Variants in COL27A1 observed in about 807,000 individuals in gnomAD.
COL27A1 encodes the protein collagen type XXVII alpha 1 chain.
Under a neutral mutation model 251.3 loss-of-function variants are expected in COL27A1, and 106 were observed. The observed-to-expected ratio is 0.42, with a 90% confidence interval of 0.36 to 0.50. The LOEUF (loss-of-function observed/expected upper bound fraction) is 0.50. COL27A1 is among the 20% of genes least tolerant of loss of function. COL27A1 has a pLI of 0.00. For missense variants in COL27A1, 2,325 were observed against 2,522.8 expected (o/e 0.92, Z 1.68); for synonymous variants, 1,000 against 986.3 (o/e 1.01, Z -0.26).
At chr9:114,213,942 G>A (rs1830536784) in intron 12 of COL27A1, among the ~76,000 whole-genome samples, 1 of 152,140 alleles carries the variant, frequency 6.6e-6, no homozygotes, top group Non-Finnish European at 1.5e-5. Flanking sequence ...TGGGTGGAGG[G>A]AAACATCTTT....
chr9:114,310,415 C>A, intron 60 of COL27A1, 134 bp from the exon 61 acceptor site: 1 of 871,014 alleles, frequency 1.1e-6, no homozygotes, highest in Non-Finnish European at 1.8e-6. Context: ...TCTAAATGTG[C>A]CATATAGGTC....
At chr9:114,208,315 C>T (rs906000013) in intron 10 of COL27A1, among the ~76,000 whole-genome samples, 7 of 152,070 alleles carry the variant, frequency 4.6e-5, no homozygotes, top group African/African-American at 1.7e-4. Flanking sequence ...GTGGTGCACA[C>T]CTGTGATCAC....
chr9:114,278,629 G>A (rs140189812), intron 37 of COL27A1, among the ~76,000 whole-genome samples: 18 of 150,568 alleles, frequency 1.2e-4, no homozygotes, highest in African/African-American at 3.7e-4. Context: ...GTGGTATGGC[G>A]TAGGTAGTGG....
rs145906802 is a variant in COL27A1 at position 114,217,974 on chromosome 9, T to C, written c.2368-1817T>C. On this transcript the variant is annotated intron_variant, in intron 12 of 60. Transcript: ENST00000356083. ...ACCAAAAATACAAAAATTAGCCAGGTGTAGTGGTGTGCATCTGTAATCCCA... is the reference window on the plus strand; with the variant it reads ...ACCAAAAATACAAAAATTAGCCAGGCGTAGTGGTGTGCATCTGTAATCCCA... 6.1e-4 allele frequency: 227 copies of C among 373,008 alleles called. 1 individual carries two copies. Among genetic ancestry groups the C allele is most frequent in the African/African-American group, 4.6e-3 (217 of 47,332 alleles). The allele number at this position is 373,008 out of a possible 1,614,324, so 23.1% of individuals were successfully genotyped here.
chr9:114,264,555 G>C (rs1588817838), intron 29 of COL27A1, 147 bp downstream of exon 29: 3 of 597,964 alleles, frequency 5.0e-6, no homozygotes. Context: ...TGAGAGCTTA[G>C]CCCTTCCACT....
chr9:114,249,899 T>C (rs1452988632), intron 24 of COL27A1, among the ~76,000 whole-genome samples: 1 of 152,184 alleles, frequency 6.6e-6, no homozygotes, highest in Non-Finnish European at 1.5e-5. Context: ...GGGAAGAAGG[T>C]GGGGCCTGAA....
chr9:114,265,148 C>G, intron 31 of COL27A1, 38 bp downstream of exon 31: 1 of 1,394,254 alleles, frequency 7.2e-7, no homozygotes, highest in Non-Finnish European at 1.0e-6. Context: ...CTACATGGGG[C>G]TTTTGATGGG....
chr9:114,235,293 T>G (rs538514094), intron 16 of COL27A1, among the ~76,000 whole-genome samples: 1 of 152,278 alleles, frequency 6.6e-6, no homozygotes, highest in African/African-American at 2.4e-5. Context: ...AACACTTGAT[T>G]TGCTCTGCAT....
At chr9:114,200,867 C>T (rs949161003) in intron 7 of COL27A1, among the ~76,000 whole-genome samples, 2 of 152,182 alleles carry the variant, frequency 1.3e-5, no homozygotes, top group African/African-American at 4.8e-5. Context: ...GCTAAGCAAG[C>T]TTGGTGAGTT....
intron 7 of COL27A1, among the ~76,000 whole-genome samples, chr9:114,197,333 C>A (rs1258287392): frequency 6.6e-6 from 1 of 152,186 alleles, no homozygotes; most frequent in Non-Finnish European, 1.5e-5. Flanking sequence ...CCCCCATTCC[C>A]TTCTCCATGG....
intron 27 of COL27A1, among the ~76,000 whole-genome samples, chr9:114,254,749 G>A (rs979909078): frequency 3.9e-5 from 6 of 152,200 alleles, no homozygotes; most frequent in Non-Finnish European, 8.8e-5. Flanking sequence ...GGCCAACTCA[G>A]CTCCTACACT....
chr9:114,156,969 GC>G (rs1848160801), intron 1 of COL27A1, among the ~76,000 whole-genome samples: 1 of 152,060 alleles, frequency 6.6e-6, no homozygotes. Flanking sequence ...GCTGGGCCCT[GC>G]CCCCTTTGAG....
intron 37 of COL27A1, among the ~76,000 whole-genome samples, chr9:114,278,120 G>A (rs1403668649): frequency 6.6e-6 from 1 of 151,892 alleles, no homozygotes; most frequent in African/African-American, 2.4e-5. Flanking sequence ...AAATTTAGAG[G>A]AGAAAGTGAC....
chr9:114,307,764 A>G lies in COL27A1; in HGVS notation c.5203A>G (p.Ile1735Val). The G allele has an allele frequency of 6.2e-7, 1 of 1,613,556 alleles. No individual in the cohort carries two copies. Among genetic ancestry groups the G allele is most frequent in the Non-Finnish European group, 8.5e-7 (1 of 1,179,640 alleles). ...TGGTGGACAGACGTGTCTCAAGCCCATCACGGCCTCCAAGGTACCCATCAG... is the reference window on the plus strand; with the variant it reads ...TGGTGGACAGACGTGTCTCAAGCCCGTCACGGCCTCCAAGGTACCCATCAG... ...THGGQTCLKP[I>V]TASKVEFAIS... Residue 1735 changes from isoleucine to valine, a missense_variant, in exon 59 of 61, where the codon ATC (isoleucine) becomes GTC (valine). Ile to Val is a conservative substitution (Grantham distance 29). Transcript: ENST00000356083.
intron 30 of COL27A1, 29 bp downstream of exon 30, chr9:114,264,997 G>A: frequency 6.2e-7 from 1 of 1,612,652 alleles, no homozygotes; most frequent in Non-Finnish European, 8.5e-7. Flanking sequence ...AAGCAGGCCA[G>A]CTGCAGGCCC....
intron 51 of COL27A1, 63 bp from the exon 52 acceptor site, chr9:114,301,009 G>A (rs541030964): frequency 1.1e-5 from 16 of 1,510,436 alleles, no homozygotes; most frequent in South Asian, 3.9e-5. Context: ...CCTCCACCCC[G>A]CTCCCCGTGT....
intron 37 of COL27A1, among the ~76,000 whole-genome samples, chr9:114,276,338 G>A (rs1300584753): frequency 1.3e-5 from 2 of 152,220 alleles, no homozygotes; most frequent in East Asian, 1.9e-4. Flanking sequence ...AGGTGCGGTG[G>A]CTCACGCCTG....
chr9:114,218,546 T>A (rs772320870), intron 12 of COL27A1: 2 of 152,198 alleles, frequency 1.3e-5, no homozygotes, highest in Non-Finnish European at 2.9e-5. Context: ...AAGATAGATA[T>A]CAAATGCAAA....
chr9:114,259,452 C>T (rs566089437), intron 28 of COL27A1, among the ~76,000 whole-genome samples: 1 of 152,216 alleles, frequency 6.6e-6, no homozygotes, highest in African/African-American at 2.4e-5. Context: ...TTCTCATTCC[C>T]ATTTTATTAT....
Sources: allele counts gnomAD v4.1 joint callset (sites outside exome capture counted in the v4.1 genomes callset), GRCh38; gene constraint gnomAD v4.1.1; transcripts MANE v1.5; gene names NCBI Gene and HGNC (gene_info 2026-07-23, HGNC 2026-07-21).